The following ALDH7A1 variants were observed in gnomAD, a reference collection of about 807,000 sequenced individuals.
ALDH7A1 encodes the protein aldehyde dehydrogenase 7 family member A1, also known as alpha-aminoadipic semialdehyde dehydrogenase.
Under a neutral mutation model 79.9 loss-of-function variants are expected in ALDH7A1, and 63 were observed. The ratio of observed to expected loss-of-function variants is 0.79; its 90% CI spans 0.64 to 0.97. The LOEUF is 0.97. Ranked by LOEUF, ALDH7A1 falls within the 50% of genes least tolerant of loss-of-function variation. The pLI, the probability that ALDH7A1 is intolerant of heterozygous loss-of-function variation, is 0.00. For missense variants in ALDH7A1, 627 were observed against 665.2 expected, an observed-to-expected ratio of 0.94 and a Z score of 0.63; for synonymous variants, 240 against 231.2, an observed-to-expected ratio of 1.04 and a Z score of -0.34.
At chr5:126,556,915 T>A (rs1369887200) in intron 11 of ALDH7A1, among the ~76,000 whole-genome samples, 3 of 152,244 alleles carry the variant, frequency 2.0e-5, no homozygotes, top group African/African-American at 7.2e-5. Flanking sequence ...ATGGAATTTT[T>A]AAAAATATTA....
chr5:126,594,428 T>C (rs1294313319), intron 1 of ALDH7A1: 1 of 283,654 alleles, frequency 3.5e-6, no homozygotes, highest in South Asian at 3.1e-5. Context: ...CCCAAGACCA[T>C]AAGGTTTTAA....
chr5:126,592,753 G>C (rs1395133702), intron 2 of ALDH7A1, 24 bp from the exon 3 acceptor site: 12 of 1,595,612 alleles, frequency 7.5e-6, no homozygotes, highest in African/African-American at 4.0e-5. Context: ...TAGGGGGACA[G>C]AAAGGGGGAA....
intron 5 of ALDH7A1, among the ~76,000 whole-genome samples, chr5:126,582,479 T>C (rs1751210961): frequency 2.0e-5 from 3 of 152,228 alleles, no homozygotes; most frequent in African/African-American, 7.2e-5. Context: ...CTAATGTTTT[T>C]TATTGATGCC....
chr5:126,559,088 G>A (rs569298818), intron 11 of ALDH7A1, 152 bp downstream of exon 11: 219 of 673,102 alleles, frequency 3.3e-4, no homozygotes, highest in Non-Finnish European at 5.3e-4. Flanking sequence ...CATCTGCCAT[G>A]AGCACAGAAA....
rs117809514 is a variant in ALDH7A1 at position 126,547,448 on chromosome 5, A to C, written c.1490-1049T>G. 2.0e-4 allele frequency among the ~76,000 whole-genome samples: 30 copies of C among 152,306 alleles called. No individual in the cohort carries two copies. In the East Asian group the frequency reaches 5.8e-3, roughly 29 times the overall value. On this transcript the variant is annotated intron_variant, in intron 16 of 17. Transcript: ENST00000409134. ...TCCACTTTCAAGGACCATGCTCACT[A>C]TTCTGAGAGCTGGTACCCCACTGCC... is the stretch of plus-strand genomic sequence containing the variant.
chr5:126,559,895 A>T (rs1750344146), intron 10 of ALDH7A1, among the ~76,000 whole-genome samples: 1 of 151,172 alleles, frequency 6.6e-6, no homozygotes, highest in South Asian at 2.1e-4. Context: ...GGGTAAATTG[A>T]GGCTCTCACT....
At chr5:126,586,817 G>T (rs1318047321) in intron 3 of ALDH7A1, 3 of 152,470 alleles carry the variant, frequency 2.0e-5, no homozygotes, top group Non-Finnish European at 4.4e-5. Flanking sequence ...GGGGGCTGTG[G>T]TTCCACGCCT....
chr5:126,550,992 G>T (rs1407309420), intron 14 of ALDH7A1, among the ~76,000 whole-genome samples: 1 of 152,170 alleles, frequency 6.6e-6, no homozygotes, highest in Non-Finnish European at 1.5e-5. Context: ...ACCTGTGTGG[G>T]TTTTTTGGGT....
At chr5:126,575,971 T>C (rs1199808360) in intron 6 of ALDH7A1, among the ~76,000 whole-genome samples, 2 of 152,078 alleles carry the variant, frequency 1.3e-5, no homozygotes, top group East Asian at 3.9e-4. Flanking sequence ...GGCTAAAGAA[T>C]TGTGGACAGG....
intron 9 of ALDH7A1, 44 bp downstream of exon 9, chr5:126,568,215 A>G (rs1408759125): frequency 1.3e-6 from 2 of 1,584,292 alleles, no homozygotes; most frequent in Non-Finnish European, 1.7e-6. Flanking sequence ...TTTCACCTCC[A>G]TATTTGAGAG....
intron 16 of ALDH7A1, among the ~76,000 whole-genome samples, chr5:126,546,667 T>C (rs1338830187): frequency 8.4e-6 from 1 of 118,720 alleles, no homozygotes; most frequent in East Asian, 2.1e-4. Flanking sequence ...AAAAAAAAAA[T>C]CCCATTAGCT....
intron 13 of ALDH7A1, chr5:126,553,332 A>G (rs978420904): frequency 2.0e-5 from 3 of 152,188 alleles, no homozygotes; most frequent in African/African-American, 7.2e-5. Flanking sequence ...GCATATCATC[A>G]TTGTGCATAA....
chr5:126,561,868 C>T (rs540626736), intron 9 of ALDH7A1: 1 of 152,282 alleles, frequency 6.6e-6, no homozygotes, highest in Non-Finnish European at 1.5e-5. Context: ...TAGTGTCTGC[C>T]TGTGGTCCCA....
chr5:126,559,558 G>A (rs938658564), intron 10 of ALDH7A1, among the ~76,000 whole-genome samples: 84 of 148,868 alleles, frequency 5.6e-4, no homozygotes, highest in African/African-American at 2.0e-3. Flanking sequence ...TCAGCCTCCC[G>A]AGCAGTTGGG....
intron 13 of ALDH7A1, among the ~76,000 whole-genome samples, chr5:126,552,722 G>T (rs894955179): frequency 2.0e-5 from 3 of 151,712 alleles, no homozygotes; most frequent in South Asian, 2.1e-4. Flanking sequence ...TATGTGGGGG[G>T]TTTTTTGTTT....
chr5:126,574,299 C>T lies in ALDH7A1; in HGVS notation c.695+1121G>A, dbSNP rs1444614675. ...CCTGTAATCCCAGTTACTCGGGAGGCTGAGGCAGGAGAATCACTTGAACCA... is the reference window on the plus strand; with the variant it reads ...CCTGTAATCCCAGTTACTCGGGAGGTTGAGGCAGGAGAATCACTTGAACCA... On this transcript the variant is annotated intron_variant, in intron 7 of 17. Transcript: ENST00000409134. Among the ~76,000 whole-genome samples the T allele has an allele frequency of 5.3e-5, 8 of 152,008 alleles. No homozygotes were observed. In the East Asian group the frequency reaches 1.4e-3, roughly 26 times the overall value.
chr5:126,559,332 A>C lies in ALDH7A1; in HGVS notation c.916T>G (p.Phe306Val). Residue 306 changes from phenylalanine to valine, a missense_variant and splice_region_variant, in exon 11 of 18, where the codon TTT (phenylalanine) becomes GTT (valine). By Grantham distance (50) the Phe-to-Val change is conservative. Coordinates refer to ENST00000409134, the MANE Select transcript of ALDH7A1 (RefSeq NM_001182.5). The stretch of plus-strand genomic sequence containing the variant: ...ACTAAGCTGAGGTCTGCATCTTCAA[A>C]GGCTTAGGAAAGCACAAACACTTCC... ...ELGGNNAIIAFEDADLSLVVP... is the reference protein window; with the variant it reads ...ELGGNNAIIAVEDADLSLVVP... 2 of 1,613,476 alleles carry C rather than the reference A, an allele frequency of 1.2e-6. No individual in the cohort carries two copies. The highest frequency in any genetic ancestry group is 1.7e-6 in the Non-Finnish European group (2 of 1,179,534).
In ALDH7A1 at chr5:126,556,104, C is replaced by T. The variant is rs547943961; in HGVS notation, c.1009-89G>A. ...AATTTCCTTGATAGTTACTGAAATA[C>T]TGTAATCTCTAAAAATATAAGAAAA... On this transcript the variant is annotated intron_variant, in intron 11 of 17. Coordinates refer to ENST00000409134, the MANE Select transcript of ALDH7A1 (RefSeq NM_001182.5). 37 of 743,276 alleles carry T rather than the reference C, an allele frequency of 5.0e-5. No homozygotes were observed. In the East Asian group the frequency reaches 9.7e-4, roughly 19 times the overall value. 46.0% of individuals were successfully genotyped at this position (743,276 alleles called of 1,614,324 possible).
chr5:126,592,420 A>G (rs1751582478), intron 3 of ALDH7A1: 1 of 553,952 alleles, frequency 1.8e-6, no homozygotes. Flanking sequence ...CTATACCAGC[A>G]CAAAGTTTTA....
Sources: allele counts gnomAD v4.1 joint callset (sites outside exome capture counted in the v4.1 genomes callset), GRCh38; gene constraint gnomAD v4.1.1; transcripts MANE v1.5; gene names NCBI Gene and HGNC (gene_info 2026-07-23, HGNC 2026-07-21).